The following MAOB variants were observed in gnomAD, a reference collection of about 807,000 sequenced individuals.
MAOB encodes the protein monoamine oxidase B, also known as amine oxidase [flavin-containing] B.
MAOB carries 15 observed loss-of-function variants against 41.9 expected under a neutral mutation model. That is an observed-to-expected ratio of 0.36 (90% confidence interval 0.24 to 0.55). The LOEUF (loss-of-function observed/expected upper bound fraction) is 0.55. Ranked by LOEUF, MAOB falls within the 20% of genes least tolerant of loss-of-function variation. The pLI is 0.86. For missense variants in MAOB, 345 were observed against 398.7 expected, an observed-to-expected ratio of 0.87 and a Z score of 1.15; for synonymous variants, 167 against 144.2, an observed-to-expected ratio of 1.16 and a Z score of -1.13.
At chrX:43,797,348 AT>A in intron 5 of MAOB, 82 bp from the exon 6 acceptor site, 1 of 809,374 alleles carries the variant, frequency 1.2e-6, no homozygotes, top group Non-Finnish European at 1.6e-6. Flanking sequence ...TAAGTAACAC[AT>A]TTTCTTGGTT....
intron 3 of MAOB, among the ~76,000 whole-genome samples, chrX:43,813,660 T>C (rs1452043606): frequency 8.9e-6 from 1 of 111,883 alleles, no homozygotes; most frequent in African/African-American, 3.3e-5. Context: ...CCTGTTCCCA[T>C]GCAAGGCCTA....
Position 43,802,277 on chromosome X carries a change from A to G in MAOB, c.385-14T>C. The G allele has an allele frequency of 9.6e-7, 1 of 1,042,058 alleles. No individual in the cohort carries two copies. The highest frequency in any genetic ancestry group is 1.3e-6 in the Non-Finnish European group (1 of 751,268). 85.9% of individuals were successfully genotyped at this position (1,042,058 alleles called of 1,213,427 possible). ...ATCACTCGGAATCTACATTCAGATG[A>G]GGATTCGAAGGAGAAAGACAAATGT... On this transcript the variant is annotated splice_polypyrimidine_tract_variant and intron_variant, in intron 4 of 14. Transcript: ENST00000378069.
At chrX:43,850,169 C>G (rs1216669033) in intron 1 of MAOB, among the ~76,000 whole-genome samples, 2 of 112,125 alleles carry the variant, frequency 1.8e-5, no homozygotes, top group East Asian at 5.6e-4. Context: ...GGTCTGAAAC[C>G]TGGTTCTGTT....
intron 1 of MAOB, among the ~76,000 whole-genome samples, chrX:43,866,442 A>G (rs943924942): frequency 5.3e-5 from 6 of 112,408 alleles, no homozygotes; most frequent in Admixed American, 1.9e-4. Context: ...ATATTATGCT[A>G]AGTGAAATAA....
intron 3 of MAOB, among the ~76,000 whole-genome samples, chrX:43,827,920 G>A (rs2034969412): frequency 8.9e-6 from 1 of 111,821 alleles, no homozygotes; most frequent in Admixed American, 9.5e-5. Context: ...CTTAGCTCCA[G>A]CCTGGATACA....
At chrX:43,794,720 C>A (rs753104950) in intron 7 of MAOB, among the ~76,000 whole-genome samples, 4 of 109,641 alleles carry the variant, frequency 3.6e-5, no homozygotes, top group Non-Finnish European at 7.6e-5. Flanking sequence ...TTCTCTTTTC[C>A]TTTTTTTCAG....
chrX:43,778,085 G>A (rs756132481), intron 11 of MAOB, among the ~76,000 whole-genome samples: 1 of 110,993 alleles, frequency 9.0e-6, no homozygotes, highest in South Asian at 3.9e-4. Flanking sequence ...ACTTCCAAAG[G>A]TGTCTAGAAA....
chrX:43,817,891 A>G (rs1337829882), intron 3 of MAOB, among the ~76,000 whole-genome samples: 2 of 112,126 alleles, frequency 1.8e-5, no homozygotes, highest in Admixed American at 1.9e-4. Flanking sequence ...ACATTTGTTC[A>G]TATATATATA....
In MAOB at chrX:43,781,229, A is replaced by G. The variant is rs1048810250; in HGVS notation, c.1025+219T>C. ...AATAGAAAACTAACATAAAAATTTT[A>G]AAATGTTATTGGTATTCTGCTTCCT... On this transcript the variant is annotated intron_variant, in intron 9 of 14. Coordinates refer to ENST00000378069, the MANE Select transcript of MAOB (RefSeq NM_000898.5). 2.7e-5 allele frequency among the ~76,000 whole-genome samples: 3 copies of G among 112,144 alleles called. No homozygotes were observed. In the South Asian group the frequency reaches 1.1e-3, roughly 42 times the overall value.
chrX:43,805,247 A>G (rs1295460210), intron 3 of MAOB, among the ~76,000 whole-genome samples: 1 of 109,943 alleles, frequency 9.1e-6, no homozygotes, highest in Non-Finnish European at 1.9e-5. Flanking sequence ...GTTGTACAAT[A>G]CATCCCTTGA....
intron 13 of MAOB, 85 bp downstream of exon 13, chrX:43,769,222 G>T (rs1264573346): frequency 1.9e-6 from 2 of 1,056,982 alleles, no homozygotes; most frequent in Non-Finnish European, 2.4e-6. Flanking sequence ...TGGAGAGTTG[G>T]TCTCCAGGCT....
intron 3 of MAOB, among the ~76,000 whole-genome samples, chrX:43,816,541 A>G (rs754771987): frequency 8.9e-6 from 1 of 111,868 alleles, no homozygotes; most frequent in African/African-American, 3.3e-5. Flanking sequence ...ATATACAGAA[A>G]TATACAGTAG....
chrX:43,781,252 C>T lies in MAOB; in HGVS notation c.1025+196G>A, dbSNP rs187971436. Among the ~76,000 whole-genome samples the T allele has an allele frequency of 4.1e-3, 462 of 111,768 alleles. 4 individuals carry two copies. Among genetic ancestry groups the T allele is most frequent in the African/African-American group, 0.014 (435 of 30,761 alleles). On this transcript the variant is annotated intron_variant, in intron 9 of 14. Transcript: ENST00000378069. ...TTAAAATGTTATTGGTATTCTGCTT[C>T]CTACCTAGATATTTATTCATTGGAA...
At chrX:43,780,963 G>T (rs1474147354) in intron 9 of MAOB, among the ~76,000 whole-genome samples, 1 of 111,362 alleles carries the variant, frequency 9.0e-6, no homozygotes, top group African/African-American at 3.3e-5. Flanking sequence ...ACCTCTCTGG[G>T]CCAGGATATC....
intron 3 of MAOB, among the ~76,000 whole-genome samples, chrX:43,831,033 ATG>A (rs2035014742): frequency 2.3e-5 from 2 of 85,960 alleles, no homozygotes; most frequent in Non-Finnish European, 4.8e-5. Flanking sequence ...GTGTGTGTGT[ATG>A]TGTCAGACAC....
chrX:43,843,325 A>G (rs534915917), intron 2 of MAOB, among the ~76,000 whole-genome samples: 33 of 105,162 alleles, frequency 3.1e-4, no homozygotes, highest in Middle Eastern at 4.8e-3. Flanking sequence ...ACATATAATT[A>G]TGTTATTTTT....
At chrX:43,830,739 G>A (rs1257299463) in intron 3 of MAOB, among the ~76,000 whole-genome samples, 1 of 111,592 alleles carries the variant, frequency 9.0e-6, no homozygotes, top group African/African-American at 3.3e-5. Flanking sequence ...AGAATCCCCA[G>A]AACCTATTAG....
intron 13 of MAOB, 35 bp from the exon 14 acceptor site, chrX:43,768,751 G>A: frequency 9.1e-7 from 1 of 1,103,873 alleles, no homozygotes; most frequent in South Asian, 1.8e-5. Context: ...AATAGCAAAA[G>A]TGACACCATC....
intron 8 of MAOB, among the ~76,000 whole-genome samples, chrX:43,785,079 C>T (rs748752458): frequency 8.9e-6 from 1 of 112,828 alleles, no homozygotes; most frequent in East Asian, 2.8e-4. Context: ...ACCAGGGAGC[C>T]GGAAGTTGCC....
Sources: allele counts gnomAD v4.1 joint callset (sites outside exome capture counted in the v4.1 genomes callset), GRCh38; gene constraint gnomAD v4.1.1; transcripts MANE v1.5; gene names NCBI Gene and HGNC (gene_info 2026-07-23, HGNC 2026-07-21).